The following ATRNL1 variants were observed in gnomAD, a reference collection of about 807,000 sequenced individuals.
ATRNL1 encodes attractin-like protein 1.
A neutral mutation model predicts 182.7 loss-of-function variants in ATRNL1; 95 were observed. That is an observed-to-expected ratio of 0.52 (90% CI 0.44 to 0.62). The LOEUF (loss-of-function observed/expected upper bound fraction) is 0.62, where lower values mean the gene tolerates loss of function less well. Ranked by LOEUF, ATRNL1 falls within the 20% of genes least tolerant of loss-of-function variation. The pLI is 0.00. For missense variants in ATRNL1, 1,471 were observed against 1,679.5 expected (o/e 0.88, Z 2.17); for synonymous variants, 576 against 568.3 (o/e 1.01, Z -0.19).
chr10:115,170,406 A>T (rs1554885251), intron 7 of ATRNL1, among the ~76,000 whole-genome samples: 1 of 152,132 alleles, frequency 6.6e-6, no homozygotes, highest in African/African-American at 2.4e-5. Context: ...TTCTACAAGG[A>T]TTTACCAAAG....
chr10:115,831,739 T>C (rs1220576553), intron 27 of ATRNL1, among the ~76,000 whole-genome samples: 1 of 145,612 alleles, frequency 6.9e-6, no homozygotes, highest in Admixed American at 7.1e-5. Context: ...TCTCACCACC[T>C]CACATAGTAG....
intron 27 of ATRNL1, among the ~76,000 whole-genome samples, chr10:115,824,274 A>T (rs1950373523): frequency 6.6e-6 from 1 of 152,226 alleles, no homozygotes; most frequent in African/African-American, 2.4e-5. Flanking sequence ...TACAGAAATT[A>T]ACTCAAGATG....
intron 28 of ATRNL1, among the ~76,000 whole-genome samples, chr10:115,917,085 T>C (rs1259506924): frequency 3.3e-5 from 5 of 152,192 alleles, no homozygotes; most frequent in Non-Finnish European, 7.3e-5. Flanking sequence ...TGCTGAACCT[T>C]GTCAGCGCTT....
intron 27 of ATRNL1, among the ~76,000 whole-genome samples, chr10:115,737,834 A>G: frequency 6.6e-6 from 1 of 151,926 alleles, no homozygotes; most frequent in East Asian, 1.9e-4. Context: ...AACTGTATTG[A>G]CTTTTCTCTT....
intron 20 of ATRNL1, among the ~76,000 whole-genome samples, chr10:115,399,561 C>T (rs1172836567): frequency 1.3e-5 from 2 of 151,584 alleles, no homozygotes; most frequent in African/African-American, 2.4e-5. Flanking sequence ...TCTCTTTTTC[C>T]TTTGTTAGTC....
intron 27 of ATRNL1, among the ~76,000 whole-genome samples, chr10:115,815,289 T>G (rs1237009510): frequency 6.6e-6 from 1 of 152,166 alleles, no homozygotes; most frequent in Non-Finnish European, 1.5e-5. Flanking sequence ...AGTTTTATTA[T>G]TTGAAATTAA....
chr10:115,168,672 T>C lies in ATRNL1; in HGVS notation c.1093-2365T>C, dbSNP rs191117997. On this transcript the variant is annotated intron_variant, in intron 7 of 28. Transcript: ENST00000355044. ...TTAAAATTAAGTTGTCCTTTTATTA[T>C]TGAGTTGTAAGAATTCTTCATATGT... Among the ~76,000 whole-genome samples the C allele has an allele frequency of 1.8e-4, 27 of 152,250 alleles. No individual in the cohort carries two copies. The East Asian group carries it at 4.8e-3, about 27-fold the overall frequency.
chr10:115,455,441 A>G (rs1316191440), intron 21 of ATRNL1, among the ~76,000 whole-genome samples: 1 of 152,166 alleles, frequency 6.6e-6, no homozygotes, highest in Non-Finnish European at 1.5e-5. Flanking sequence ...ATATGCAGAA[A>G]ACTGAAACTG....
At chr10:115,253,641 C>T (rs1236717085) in intron 10 of ATRNL1, among the ~76,000 whole-genome samples, 1 of 152,070 alleles carries the variant, frequency 6.6e-6, no homozygotes, top group Non-Finnish European at 1.5e-5. Context: ...GGTACATGCG[C>T]ATAATGTGCA....
intron 28 of ATRNL1, among the ~76,000 whole-genome samples, chr10:115,936,625 T>G (rs1193074863): frequency 6.6e-6 from 1 of 152,208 alleles, no homozygotes; most frequent in Non-Finnish European, 1.5e-5. Flanking sequence ...ATAACCTCAC[T>G]TAAGGCAGTC....
intron 1 of ATRNL1, among the ~76,000 whole-genome samples, chr10:115,105,635 A>G (rs1187234075): frequency 6.6e-6 from 1 of 152,212 alleles, no homozygotes; most frequent in Admixed American, 6.5e-5. Context: ...TATGCAGCCT[A>G]GGGACTTGGT....
intron 28 of ATRNL1, among the ~76,000 whole-genome samples, chr10:115,933,525 G>T (rs942688529): frequency 6.6e-6 from 1 of 152,224 alleles, no homozygotes; most frequent in African/African-American, 2.4e-5. Flanking sequence ...AGCCAGCAGG[G>T]ATGTCCAGGT....
In ATRNL1 at chr10:115,469,302, C is replaced by T; in HGVS notation, c.3627C>T (p.Ser1209=). 1 of 1,530,992 alleles carries T rather than the reference C, an allele frequency of 6.5e-7. No individual in the cohort carries two copies. Among genetic ancestry groups the T allele is most frequent in the Non-Finnish European group, 8.7e-7 (1 of 1,144,262 alleles). The allele number at this position is 1,530,992 out of a possible 1,614,324, so 94.8% of individuals were successfully genotyped here. A position where few individuals can be genotyped will look rare whatever the true frequency, so the allele number is the denominator to read the frequency against. Residue 1209 remains serine (S), a synonymous_variant, in exon 24 of 29, where the codon AGC becomes AGT. Transcript: ENST00000355044. ...ACATTACATTCTATGTGTACGTCAG[C>T]AACTTTTCCTGGCCTATTAAAATAC... ...NPNITFYVYV[S]NFSWPIKIQI...
chr10:115,422,420 C>T (rs1845689898), intron 20 of ATRNL1, among the ~76,000 whole-genome samples: 1 of 151,974 alleles, frequency 6.6e-6, no homozygotes, highest in Non-Finnish European at 1.5e-5. Flanking sequence ...TACATGTGTC[C>T]AACAAGTATG....
At chr10:115,358,613 G>A (rs1554943432) in intron 19 of ATRNL1, among the ~76,000 whole-genome samples, 1 of 151,484 alleles carries the variant, frequency 6.6e-6, no homozygotes, top group Non-Finnish European at 1.5e-5. Flanking sequence ...AAAGATTTTA[G>A]TATACCTATT....
chr10:115,106,788 G>T (rs1564739075), intron 1 of ATRNL1, among the ~76,000 whole-genome samples: 1 of 152,144 alleles, frequency 6.6e-6, no homozygotes, highest in Non-Finnish European at 1.5e-5. Context: ...TGTAAGTCTG[G>T]TTAAATCTCC....
chr10:115,136,104 TC>T (rs1463927236), intron 5 of ATRNL1, among the ~76,000 whole-genome samples: 1 of 151,964 alleles, frequency 6.6e-6, no homozygotes, highest in East Asian at 1.9e-4. Context: ...GCTCCAGTGA[TC>T]CTCCCACCTT....
At chr10:115,896,902 A>C (rs962965487) in intron 28 of ATRNL1, among the ~76,000 whole-genome samples, 2 of 152,350 alleles carry the variant, frequency 1.3e-5, no homozygotes, top group African/African-American at 4.8e-5. Context: ...ACATTTTTAC[A>C]AACTTGTAAT....
intron 18 of ATRNL1, among the ~76,000 whole-genome samples, chr10:115,315,945 A>G (rs1049683108): frequency 7.2e-5 from 11 of 152,196 alleles, no homozygotes; most frequent in Non-Finnish European, 1.2e-4. Context: ...GATAGGCTAA[A>G]TGAATTCATG....
Sources: gnomAD v4.1 joint callset for allele counts (sites outside exome capture counted in the v4.1 genomes callset) on GRCh38, gnomAD v4.1.1 for gene constraint, MANE v1.5 for transcripts, NCBI Gene and HGNC (gene_info 2026-07-23, HGNC 2026-07-21) for gene names.